CFAP299: variants seen among roughly 807,000 people sequenced by gnomAD.
The protein encoded by CFAP299 is cilia- and flagella-associated protein 299.
Under a neutral mutation model 27.0 loss-of-function variants are expected in CFAP299, and 21 were observed. The observed-to-expected ratio is 0.78, with a 90% CI of 0.55 to 1.12. The LOEUF is 1.12. CFAP299 is among the 50% of genes most tolerant of loss of function. The pLI is 0.00. For missense variants in CFAP299, 310 were observed against 276.6 expected (o/e 1.12, Z -0.86); for synonymous variants, 104 against 98.1 (o/e 1.06, Z -0.36).
chr4:80,911,283 A>G (rs1479194292), intron 4 of CFAP299, among the ~76,000 whole-genome samples: 2 of 134,914 alleles, frequency 1.5e-5, no homozygotes, highest in African/African-American at 5.5e-5. Flanking sequence ...TTTTCTACCC[A>G]TTTTTACCTT....
In CFAP299 at chr4:80,846,694, A is replaced by C. The variant is rs573421025; in HGVS notation, c.334-23299A>C. Among the ~76,000 whole-genome samples the C allele has an allele frequency of 2.6e-5, 4 of 152,230 alleles. No individual in the cohort carries two copies. The South Asian group carries it at 6.2e-4, about 24-fold the overall frequency. ...TTTTAACCCATAATTAGTACTGTTA[A>C]TTGATGAGATTCTGCTCAGGCTTGT... On this transcript the variant is annotated intron_variant, in intron 3 of 5. Transcript: ENST00000358105.
chr4:80,322,072 T>C, the CFAP299 span, among the ~76,000 whole-genome samples: 4 of 152,144 alleles, frequency 2.6e-5, no homozygotes, highest in East Asian at 1.9e-4. Flanking sequence ...CCCAGGGTCA[T>C]TGTGGGCTGG....
chr4:80,795,865 G>T (rs1190904580), intron 3 of CFAP299, among the ~76,000 whole-genome samples: 2 of 152,140 alleles, frequency 1.3e-5, no homozygotes, highest in African/African-American at 4.8e-5. Context: ...ATTTGCAGAA[G>T]ATGGCAGGGA....
chr4:80,923,945 C>T (rs1680284245), intron 4 of CFAP299, among the ~76,000 whole-genome samples: 1 of 151,866 alleles, frequency 6.6e-6, no homozygotes, highest in African/African-American at 2.4e-5. Flanking sequence ...ATTATGAAGT[C>T]TTTTTCAGAT....
At chr4:80,582,681 C>T (rs542719115) in intron 2 of CFAP299, among the ~76,000 whole-genome samples, 81 of 151,892 alleles carry the variant, frequency 5.3e-4, no homozygotes, top group Non-Finnish European at 1.1e-3. Flanking sequence ...AAAATTAATG[C>T]TCTACTCCAG....
At chr4:80,872,918 CTTCTT>C (rs769772973) in intron 4 of CFAP299, 229 of 958,382 alleles carry the variant, frequency 2.4e-4, no homozygotes, top group Middle Eastern at 1.1e-3. Flanking sequence ...TGTAGTTCTT[CTTCTT>C]TTTTTTTTTT....
chr4:80,959,483 A>C (rs1411721802), intron 5 of CFAP299, among the ~76,000 whole-genome samples: 1 of 152,104 alleles, frequency 6.6e-6, no homozygotes, highest in East Asian at 1.9e-4. Context: ...CCTTTAAGTT[A>C]AAAACAAGTA....
chr4:80,780,545 A>C (rs906872701), intron 3 of CFAP299, among the ~76,000 whole-genome samples: 5 of 152,086 alleles, frequency 3.3e-5, no homozygotes, highest in African/African-American at 1.2e-4. Context: ...TTTAAGAAGA[A>C]CAACTTTTGG....
chr4:80,752,427 T>A (rs929478457), intron 3 of CFAP299, among the ~76,000 whole-genome samples: 32 of 146,188 alleles, frequency 2.2e-4, no homozygotes, highest in African/African-American at 6.8e-4. Flanking sequence ...CACATATATA[T>A]AAATAAATAT....
At chr4:80,385,897 G>C (rs897407718) in intron 2 of CFAP299, among the ~76,000 whole-genome samples, 1 of 152,236 alleles carries the variant, frequency 6.6e-6, no homozygotes, top group Non-Finnish European at 1.5e-5. Flanking sequence ...CCAGCGGGAC[G>C]CTGGGCTGCT....
intron 2 of CFAP299, among the ~76,000 whole-genome samples, chr4:80,494,391 A>G (rs1324202690): frequency 1.3e-5 from 2 of 152,240 alleles, no homozygotes; most frequent in African/African-American, 2.4e-5. Flanking sequence ...AATAGGCAGT[A>G]TACATTTCTT....
chr4:80,606,015 AT>A (rs1348612638), intron 3 of CFAP299, among the ~76,000 whole-genome samples: 1 of 152,162 alleles, frequency 6.6e-6, no homozygotes, highest in East Asian at 1.9e-4. Flanking sequence ...TTTCTTTTGC[AT>A]TCCTATGAGA....
At chr4:80,915,395 G>GT (rs1267975649) in intron 4 of CFAP299, among the ~76,000 whole-genome samples, 6 of 151,258 alleles carry the variant, frequency 4.0e-5, no homozygotes, top group Non-Finnish European at 7.4e-5. Context: ...CCTTTTCTTT[G>GT]TTTTTTAAGA....
At chr4:80,570,846 T>G (rs1250877194) in intron 2 of CFAP299, among the ~76,000 whole-genome samples, 1 of 152,156 alleles carries the variant, frequency 6.6e-6, no homozygotes, top group Non-Finnish European at 1.5e-5. Flanking sequence ...AATAAATGGT[T>G]GTATATTCAT....
At chr4:80,380,422 A>ATT (rs10701207) in intron 2 of CFAP299, among the ~76,000 whole-genome samples, 18,841 of 96,026 alleles carry the variant, frequency 0.2, 2,958 homozygotes, top group African/African-American at 0.23. Flanking sequence ...TGTGTCTCAC[A>ATT]TTTTTTTTTT....
intron 2 of CFAP299, among the ~76,000 whole-genome samples, chr4:80,458,000 C>T (rs1258050267): frequency 6.6e-6 from 1 of 152,114 alleles, no homozygotes; most frequent in Non-Finnish European, 1.5e-5. Context: ...AGAACTTTGG[C>T]ACCTGGATCT....
At chr4:80,412,319 T>G (rs1039885714) in intron 2 of CFAP299, among the ~76,000 whole-genome samples, 14 of 151,630 alleles carry the variant, frequency 9.2e-5, no homozygotes, top group Non-Finnish European at 1.9e-4. Flanking sequence ...AGCATTATAA[T>G]TCAAATATAC....
At chr4:80,956,565 C>A (rs1280405070) in intron 5 of CFAP299, among the ~76,000 whole-genome samples, 1 of 152,110 alleles carries the variant, frequency 6.6e-6, no homozygotes, top group Non-Finnish European at 1.5e-5. Context: ...CACATTTCCC[C>A]TCTCTAGCCT....
At chr4:80,899,049 A>C (rs1734752844) in intron 4 of CFAP299, among the ~76,000 whole-genome samples, 1 of 152,346 alleles carries the variant, frequency 6.6e-6, no homozygotes. Context: ...ACTGGATTTA[A>C]CAGTCTCTGC....
Sources: gnomAD v4.1 joint callset for allele counts (sites outside exome capture counted in the v4.1 genomes callset) on GRCh38, gnomAD v4.1.1 for gene constraint, MANE v1.5 for transcripts, NCBI Gene and HGNC (gene_info 2026-07-23, HGNC 2026-07-21) for gene names.